EPC2: variants seen among roughly 807,000 people sequenced by gnomAD.
EPC2 encodes the protein enhancer of polycomb 2, also known as enhancer of polycomb homolog 2.
EPC2 carries 14 observed loss-of-function variants against 92.1 expected under a neutral mutation model. That is an observed-to-expected ratio of 0.15 (90% CI 0.10 to 0.24). The LOEUF (loss-of-function observed/expected upper bound fraction) is 0.24. EPC2 is among the 10% of genes least tolerant of loss of function. The probability of loss-of-function intolerance (pLI) is 1.00; values close to 1 mark genes in which losing one functional copy is unlikely to be tolerated. For missense variants in EPC2, 755 were observed against 971.5 expected, an observed-to-expected ratio of 0.78 and a Z score of 2.96; for synonymous variants, 340 against 334.7, an observed-to-expected ratio of 1.02 and a Z score of -0.17.
chr2:148,714,875 A>G (rs1282616821), intron 2 of EPC2, among the ~76,000 whole-genome samples: 1 of 152,076 alleles, frequency 6.6e-6, no homozygotes, highest in East Asian at 1.9e-4. Context: ...TACTCTGATG[A>G]GAGTTTCTTT....
chr2:148,691,141 C>T (rs761952319), intron 2 of EPC2, among the ~76,000 whole-genome samples: 2 of 152,192 alleles, frequency 1.3e-5, no homozygotes, highest in African/African-American at 4.8e-5. Context: ...ATCACCACCT[C>T]TAGCGTGAAG....
chr2:148,682,121 T>G (rs1006715805), intron 1 of EPC2, among the ~76,000 whole-genome samples: 1 of 152,354 alleles, frequency 6.6e-6, no homozygotes, highest in Admixed American at 6.5e-5. Context: ...CAGTCTGTCA[T>G]TCATGGACAT....
chr2:148,684,114 G>A (rs530329044), intron 1 of EPC2, among the ~76,000 whole-genome samples: 38 of 152,178 alleles, frequency 2.5e-4, no homozygotes, highest in Non-Finnish European at 5.1e-4. Context: ...GACGATTAGT[G>A]ATGTTGAGCA....
At chr2:148,755,638 A>T (rs1683175780) in intron 4 of EPC2, among the ~76,000 whole-genome samples, 1 of 152,196 alleles carries the variant, frequency 6.6e-6, no homozygotes. Context: ...GTACAGTAAC[A>T]CACTGTACAG....
At chr2:148,648,776 A>G (rs1683856636) in intron 1 of EPC2, among the ~76,000 whole-genome samples, 1 of 152,204 alleles carries the variant, frequency 6.6e-6, no homozygotes, top group Admixed American at 6.5e-5. Flanking sequence ...ACATTCTGAC[A>G]ATGCCTGGAT....
intron 11 of EPC2, 101 bp downstream of exon 11, chr2:148,781,881 C>T: frequency 7.1e-7 from 1 of 1,415,516 alleles, no homozygotes; most frequent in Non-Finnish European, 9.7e-7. Context: ...GGTTTTGCCA[C>T]TCTTGATTTG....
At chr2:148,661,313 A>C (rs1349376514) in intron 1 of EPC2, among the ~76,000 whole-genome samples, 4 of 152,094 alleles carry the variant, frequency 2.6e-5, no homozygotes, top group Non-Finnish European at 5.9e-5. Flanking sequence ...TTGTAAATGG[A>C]ATCTTCTCTC....
At chr2:148,663,320 G>A (rs893368737) in intron 1 of EPC2, among the ~76,000 whole-genome samples, 4 of 150,382 alleles carry the variant, frequency 2.7e-5, no homozygotes, top group Non-Finnish European at 5.9e-5. Context: ...CCAGGTTCAC[G>A]CTATTCTCCT....
chr2:148,740,625 A>G (rs1403933110), intron 2 of EPC2, among the ~76,000 whole-genome samples: 9 of 152,144 alleles, frequency 5.9e-5, no homozygotes, highest in East Asian at 3.8e-4. Context: ...AAGAAGATAG[A>G]GCAGATAGGA....
chr2:148,691,541 G>A, intron 2 of EPC2: 3 of 1,550,442 alleles, frequency 1.9e-6, no homozygotes, highest in East Asian at 2.4e-5. Context: ...CATCTTTGCA[G>A]TGAAATTGCA....
At chr2:148,708,321 A>G (rs952140877) in intron 2 of EPC2, among the ~76,000 whole-genome samples, 27 of 152,220 alleles carry the variant, frequency 1.8e-4, no homozygotes, top group Non-Finnish European at 2.5e-4. Flanking sequence ...GAATAGACCA[A>G]TAACAGGCTC....
At chr2:148,785,269 A>G (rs1683843585) in intron 13 of EPC2, among the ~76,000 whole-genome samples, 1 of 152,236 alleles carries the variant, frequency 6.6e-6, no homozygotes, top group Middle Eastern at 3.4e-3. Context: ...AAAGAAAAGG[A>G]CATCCAACTG....
chr2:148,777,333 T>C (rs1683666545), intron 10 of EPC2, among the ~76,000 whole-genome samples: 1 of 152,146 alleles, frequency 6.6e-6, no homozygotes, highest in Non-Finnish European at 1.5e-5. Context: ...TAGGCTAGTA[T>C]TTGAAAAATT....
intron 1 of EPC2, among the ~76,000 whole-genome samples, chr2:148,678,675 G>C (rs529884675): frequency 2.0e-5 from 3 of 152,268 alleles, no homozygotes; most frequent in Non-Finnish European, 2.9e-5. Flanking sequence ...GGGGCCGGCT[G>C]CTCCGAGTGC....
intron 10 of EPC2, among the ~76,000 whole-genome samples, chr2:148,780,120 A>G (rs1683720010): frequency 6.6e-6 from 1 of 152,216 alleles, no homozygotes; most frequent in Non-Finnish European, 1.5e-5. Flanking sequence ...AAAGAAAGAC[A>G]TTTGATTTTG....
At chr2:148,657,022 A>T in intron 1 of EPC2, among the ~76,000 whole-genome samples, 1 of 151,936 alleles carries the variant, frequency 6.6e-6, no homozygotes, top group Admixed American at 6.6e-5. Flanking sequence ...GCCTGTTGTT[A>T]CGCTCATATA....
At chr2:148,693,765 T>C (rs1299126316) in intron 2 of EPC2, among the ~76,000 whole-genome samples, 3 of 152,238 alleles carry the variant, frequency 2.0e-5, no homozygotes, top group Non-Finnish European at 4.4e-5. Context: ...CTTATTTTGT[T>C]ATGTCTTCAC....
intron 2 of EPC2, among the ~76,000 whole-genome samples, chr2:148,707,155 C>T (rs1171140834): frequency 6.6e-6 from 1 of 152,136 alleles, no homozygotes; most frequent in Non-Finnish European, 1.5e-5. Context: ...GGAGGAAGAT[C>T]TACCAAGCAA....
At chr2:148,759,163 G>A (rs1683250598) in intron 4 of EPC2, among the ~76,000 whole-genome samples, 1 of 152,090 alleles carries the variant, frequency 6.6e-6, no homozygotes, top group Admixed American at 6.5e-5. Flanking sequence ...TGCAATATCT[G>A]CTTACTGCAA....
Sources: gnomAD v4.1 joint callset for allele counts (sites outside exome capture counted in the v4.1 genomes callset) on GRCh38, gnomAD v4.1.1 for gene constraint, MANE v1.5 for transcripts, NCBI Gene and HGNC (gene_info 2026-07-23, HGNC 2026-07-21) for gene names.